Variants in SLC38A10 observed in about 807,000 individuals in gnomAD.
The protein encoded by SLC38A10 is solute carrier family 38 member 10, also known as Sodium-coupled neutral amino acid transporter 10.
In SLC38A10, 53 loss-of-function variants were observed where a neutral mutation model predicts 81.0. The observed-to-expected ratio is 0.65, with a 90% confidence interval of 0.53 to 0.82. SLC38A10 has a LOEUF of 0.82. SLC38A10 is among the 40% of genes least tolerant of loss of function. SLC38A10 has a pLI of 0.00. For missense variants in SLC38A10, 1,471 were observed against 1,545.0 expected, an observed-to-expected ratio of 0.95 and a Z score of 0.80; for synonymous variants, 665 against 655.3, an observed-to-expected ratio of 1.01 and a Z score of -0.23.
At chr17:81,251,759 CTGA>C in intron 13 of SLC38A10, 147 bp from the exon 14 acceptor site, 2 of 805,960 alleles carry the variant, frequency 2.5e-6, no homozygotes, top group South Asian at 3.1e-5. Context: ...TATATTCAAC[CTGA>C]TGATTACTAG....
rs779662757 is a variant in SLC38A10, at chr17:81,245,938, T to A, written c.2978A>T (p.His993Leu). 6.2e-7 allele frequency: 1 copy of A among 1,608,990 alleles called. No homozygotes were observed. Among genetic ancestry groups the A allele is most frequent in the Non-Finnish European group, 8.5e-7 (1 of 1,177,456 alleles). ...LEMRKARGGD[H>L]VPVSHEQPRG... The stretch of plus-strand genomic sequence containing the variant: ...CGGCTGCTCGTGGGACACAGGCACA[T>A]GGTCCCCCCCGCGGGCCTTTCTCAT... Residue 993 changes from histidine (H) to leucine (L), a missense_variant, in exon 16 of 16, where the codon CAT becomes CTT. Physicochemically the swap from His to Leu is moderately conservative, Grantham distance 99 (BLOSUM62 -3). Around this residue, in one of 2 missense-constraint regions of SLC38A10, gnomAD observed 751 missense variants for 717.4 expected, o/e 1.05. Transcript: ENST00000374759.
chr17:81,259,056 AAGGAGCTTTCC>A (rs2062997737), intron 11 of SLC38A10, among the ~76,000 whole-genome samples: 2 of 152,234 alleles, frequency 1.3e-5, no homozygotes, highest in African/African-American at 4.8e-5. Context: ...CAACGCTGGG[AAGGAGCTTTCC>A]AGGCACAGGA....
intron 10 of SLC38A10, among the ~76,000 whole-genome samples, chr17:81,266,266 G>A (rs1053889699): frequency 6.6e-6 from 1 of 152,190 alleles, no homozygotes; most frequent in East Asian, 1.9e-4. Context: ...TAAGGTGAAC[G>A]GGCGAAAATG....
intron 9 of SLC38A10, among the ~76,000 whole-genome samples, chr17:81,271,748 A>ATTTTT (rs756214430): frequency 6.6e-5 from 8 of 121,142 alleles, no homozygotes; most frequent in Admixed American, 8.6e-5. Context: ...AAGCTGACAG[A>ATTTTT]TTTTTTTTTT....
rs914538220 is a variant in SLC38A10 at position 81,284,832 on chromosome 17, C to T, written c.263+18G>A. On this transcript the variant is annotated intron_variant, in intron 3 of 15. Transcript: ENST00000374759. Reference sequence around the variant, plus strand: ...GTGCGGGGGTGGGGGGCAAGCGCAGCGGCAGGGCGGGGCTTACCTGGTCTC... The same window carrying T: ...GTGCGGGGGTGGGGGGCAAGCGCAGTGGCAGGGCGGGGCTTACCTGGTCTC... 6.7e-6 allele frequency: 10 copies of T among 1,484,566 alleles called. No homozygotes were observed. The highest frequency in any genetic ancestry group is 1.8e-4 in the Middle Eastern group (1 of 5,706). 92.0% of individuals were successfully genotyped at this position (1,484,566 alleles called of 1,614,324 possible).
intron 11 of SLC38A10, among the ~76,000 whole-genome samples, chr17:81,257,177 T>C (rs1378757900): frequency 1.3e-5 from 2 of 152,182 alleles, no homozygotes; most frequent in Non-Finnish European, 2.9e-5. Flanking sequence ...CGGAGTGCAG[T>C]GGTGCCATCT....
rs928721311 is a variant in SLC38A10 at position 81,245,380 on chromosome 17, A to C, written c.*176T>G. ...CAGAACGACAGCAAGAACATTCTGG[A>C]AACGATGCCACAGTGAATCTTTTAT... On this transcript the variant is annotated 3_prime_UTR_variant, in exon 16 of 16. Coordinates refer to ENST00000374759, the MANE Select transcript of SLC38A10 (RefSeq NM_001037984.3). 9 of 774,758 alleles carry C rather than the reference A, an allele frequency of 1.2e-5. No individual in the cohort carries two copies. The highest frequency in any genetic ancestry group is 4.0e-5 in the South Asian group (2 of 49,524). The allele number at this position is 774,758 out of a possible 1,614,324, so 48.0% of individuals were successfully genotyped here.
intron 8 of SLC38A10, among the ~76,000 whole-genome samples, chr17:81,275,736 A>C (rs2063154909): frequency 6.8e-6 from 1 of 147,986 alleles, no homozygotes; most frequent in East Asian, 2.0e-4. Flanking sequence ...CGTCTCAAAA[A>C]AAAAGAGAAC....
rs563690275 is a variant in SLC38A10, at chr17:81,277,604, G to A, written c.627-471C>T. On this transcript the variant is annotated intron_variant, in intron 6 of 15. Transcript: ENST00000374759. This position sits in a 1 kb window ranked among gnomAD's most constrained non-coding sequence, Gnocchi z 4.5. ...TCGGCACAGACAAGGAGGCGGCCTG[G>A]GGCGCGATTCCCCACTGCAGCCTCT... Among the ~76,000 whole-genome samples, 12 of 152,362 alleles carry A rather than the reference G, an allele frequency of 7.9e-5. No individual in the cohort carries two copies. The highest frequency in any genetic ancestry group is 2.6e-4 in the African/African-American group (11 of 41,596).
chr17:81,246,114 G>T lies in SLC38A10; in HGVS notation c.2802C>A (p.Asp934Glu). ...PRMKPKQVSR[D>E]LGLAADLPGG... ...CGGGCAGGTCCGCTGCAAGGCCCAGGTCTCGGCTCACTTGCTTGGGCTTCA... is the reference window on the plus strand; with the variant it reads ...CGGGCAGGTCCGCTGCAAGGCCCAGTTCTCGGCTCACTTGCTTGGGCTTCA... The change falls in exon 16 of 16, where the codon GAC becomes GAA. Residue 934 changes from aspartate to glutamate, a missense_variant. Transcript: ENST00000374759. The T allele has an allele frequency of 6.2e-7, 1 of 1,609,118 alleles. No individual in the cohort carries two copies.
In SLC38A10 at chr17:81,288,322, C is replaced by CG. The variant is rs961933119; in HGVS notation, c.217+1368dup. ...CACTCTGCCGCGGGAGCTGTGAGCC[C>CG]GGGGGGCAGGATGGCCTTCTGCAGG... is the stretch of plus-strand genomic sequence containing the variant. On this transcript the variant is annotated intron_variant, in intron 2 of 15. Coordinates refer to ENST00000374759, the MANE Select transcript of SLC38A10 (RefSeq NM_001037984.3). The surrounding 1 kb of genome is among the most constrained non-coding windows in gnomAD (Gnocchi z 5.4). 1.3e-5 allele frequency among the ~76,000 whole-genome samples: 2 copies of CG among 152,200 alleles called. No homozygotes were observed. The highest frequency in any genetic ancestry group is 2.4e-5 in the African/African-American group (1 of 41,434).
rs1391939885 is a variant in SLC38A10 at position 81,270,044 on chromosome 17, C to T, written c.1131+874G>A. Among the ~76,000 whole-genome samples, 1 of 152,130 alleles carries T rather than the reference C, an allele frequency of 6.6e-6. No homozygotes were observed. The highest frequency in any genetic ancestry group is 6.5e-5 in the Admixed American group (1 of 15,278). On this transcript the variant is annotated intron_variant, in intron 10 of 15. Transcript: ENST00000374759. This position sits in a 1 kb window ranked among gnomAD's most constrained non-coding sequence, Gnocchi z 4.0. The stretch of plus-strand genomic sequence containing the variant: ...ATAAAAAGTGAGCAAAGAACACAAG[C>T]AGTTCACAGAAAAAGAAACGCAAGT...
At chr17:81,275,339 ACAGGCACCAC>A (rs1228354135) in intron 8 of SLC38A10, among the ~76,000 whole-genome samples, 1 of 152,184 alleles carries the variant, frequency 6.6e-6, no homozygotes, top group Non-Finnish European at 1.5e-5. Flanking sequence ...AGCTGGGACC[ACAGGCACCAC>A]CAATATGGCC....
chr17:81,261,721 T>C (rs74601098), intron 10 of SLC38A10, among the ~76,000 whole-genome samples: 10,142 of 152,326 alleles, frequency 0.067, 385 homozygotes, highest in East Asian at 0.13. Flanking sequence ...GCTGAGGCTC[T>C]GGGGTCAGTG....
chr17:81,282,336 CG>C lies in SLC38A10; in HGVS notation c.358-5del, dbSNP rs1567945695. ...ACATGCGGAAGGTGCCGCCCACCTG[CG>C]GGGAGCCGGCAGGGGGTCTTGGCCA... On this transcript the variant is annotated splice_region_variant and splice_polypyrimidine_tract_variant and intron_variant, in intron 4 of 15. Coordinates refer to ENST00000374759, the MANE Select transcript of SLC38A10 (RefSeq NM_001037984.3). The C allele has an allele frequency of 6.2e-7, 1 of 1,605,620 alleles. No individual in the cohort carries two copies. The highest frequency in any genetic ancestry group is 2.2e-5 in the East Asian group (1 of 44,604).
chr17:81,263,125 C>T (rs1342207474), intron 10 of SLC38A10: 1 of 152,222 alleles, frequency 6.6e-6, no homozygotes, highest in Non-Finnish European at 1.5e-5. Flanking sequence ...ACAGGGACCC[C>T]CACCACCTGC....
At chr17:81,271,651 A>G (rs2063116723) in intron 9 of SLC38A10, among the ~76,000 whole-genome samples, 2 of 152,140 alleles carry the variant, frequency 1.3e-5, no homozygotes, top group Admixed American at 1.3e-4. Flanking sequence ...GCGCTGTTCT[A>G]GAATAGTTGG....
rs2063239879 is a variant in SLC38A10, at chr17:81,283,934, C to G, written c.264-432G>C. On this transcript the variant is annotated intron_variant, in intron 3 of 15. Coordinates refer to ENST00000374759, the MANE Select transcript of SLC38A10 (RefSeq NM_001037984.3). The surrounding 1 kb of genome is among the most constrained non-coding windows in gnomAD (Gnocchi z 4.7). Reference sequence around the variant, plus strand: ...CAACAGATGTGATTTCAAACGCGCCCCAGTTCACAGGGCGCGGGCAGGTTC... The same window carrying G: ...CAACAGATGTGATTTCAAACGCGCCGCAGTTCACAGGGCGCGGGCAGGTTC... Among the ~76,000 whole-genome samples, 1 of 151,746 alleles carries G rather than the reference C, an allele frequency of 6.6e-6. No individual in the cohort carries two copies. Among genetic ancestry groups the G allele is most frequent in the African/African-American group, 2.4e-5 (1 of 41,316 alleles).
rs923032374 is a variant in SLC38A10 at position 81,288,153 on chromosome 17, C to T, written c.217+1538G>A. Among the ~76,000 whole-genome samples, 9 of 152,200 alleles carry T rather than the reference C, an allele frequency of 5.9e-5. No individual in the cohort carries two copies. Among genetic ancestry groups the T allele is most frequent in the African/African-American group, 1.9e-4 (8 of 41,450 alleles). On this transcript the variant is annotated intron_variant, in intron 2 of 15. Coordinates refer to ENST00000374759, the MANE Select transcript of SLC38A10 (RefSeq NM_001037984.3). This position sits in a 1 kb window ranked among gnomAD's most constrained non-coding sequence, Gnocchi z 5.4. ...CTCCGGTTCTGAGGGCCGAAACGAA[C>T]GCAGGACTCTCTGTGGCAACATGAA...
Sources: gnomAD v4.1 joint callset for allele counts (sites outside exome capture counted in the v4.1 genomes callset) on GRCh38, gnomAD v4.1.1 for gene constraint, gnomAD v4.1.1 regional missense constraint, Gnocchi (gnomAD v3.1) non-coding constraint, MANE v1.5 for transcripts, NCBI Gene and HGNC (gene_info 2026-07-23, HGNC 2026-07-21) for gene names.